The following LOXHD1 variants were observed in gnomAD, a reference collection of about 807,000 sequenced individuals.
The protein encoded by LOXHD1 is lipoxygenase homology PLAT domains 1.
LOXHD1 carries 205 observed loss-of-function variants against 248.2 expected under a neutral mutation model. The observed-to-expected ratio is 0.83, with a 90% CI of 0.74 to 0.93. The LOEUF (loss-of-function observed/expected upper bound fraction) is 0.93, where lower values mean the gene tolerates loss of function less well. Among genes scored for constraint, LOXHD1 ranks in the 40% least tolerant of loss-of-function variants. The probability of loss-of-function intolerance (pLI) is 0.00; values close to 1 mark genes in which losing one functional copy is unlikely to be tolerated. For missense variants in LOXHD1, 2,930 were observed against 2,971.6 expected (o/e 0.99, Z 0.33); for synonymous variants, 1,113 against 1,162.8 (o/e 0.96, Z 0.87).
At chr18:46,534,664 C>A (rs977579157) in intron 26 of LOXHD1, among the ~76,000 whole-genome samples, 1 of 152,222 alleles carries the variant, frequency 6.6e-6, no homozygotes, top group Non-Finnish European at 1.5e-5. Context: ...AGCCTTGACT[C>A]CAGAACTTGG....
In LOXHD1 at chr18:46,601,417, T is replaced by C. The variant is rs1273706618; in HGVS notation, c.934A>G (p.Thr312Ala). 1.3e-6 allele frequency: 2 copies of C among 1,551,590 alleles called. No individual in the cohort carries two copies. The highest frequency in any genetic ancestry group is 3.9e-5 in the Admixed American group (2 of 50,976). ...VFTGDVRGAG[T>A]KSKIYLVMYG... ...ATGACCAAGTAGATTTTGGATTTGG[T>C]ACCAGCCCCCCGGACATCCCCAGTG... is the stretch of plus-strand genomic sequence containing the variant. Residue 312 changes from threonine (T) to alanine (A), a missense_variant, in exon 8 of 41, where the codon ACC (threonine) becomes GCC (alanine). Physicochemically the swap from Thr to Ala is moderately conservative, Grantham distance 58. Transcript: ENST00000642948.
chr18:46,518,117 GC>G lies in LOXHD1; in HGVS notation c.5399+11del. ...GTGGGAGGGGTGAGGGGCAGGGGCCGCCTCCAGGTACCTGGCTTTCTTTTTG... is the reference window on the plus strand; with the variant it reads ...GTGGGAGGGGTGAGGGGCAGGGGCCGCTCCAGGTACCTGGCTTTCTTTTTG... On this transcript the variant is annotated intron_variant, in intron 34 of 40. Coordinates refer to ENST00000642948, the MANE Select transcript of LOXHD1 (RefSeq NM_001384474.1). The G allele has an allele frequency of 2.6e-6, 4 of 1,551,134 alleles. No homozygotes were observed. The highest frequency in any genetic ancestry group is 3.5e-6 in the Non-Finnish European group (4 of 1,146,926).
At chr18:46,609,656 C>T (rs1284775328) in intron 6 of LOXHD1, among the ~76,000 whole-genome samples, 3 of 152,222 alleles carry the variant, frequency 2.0e-5, no homozygotes, top group Non-Finnish European at 2.9e-5. Flanking sequence ...TCTAACGGAC[C>T]TCAGCCTGGT....
At chr18:46,634,682 C>T (rs1210342507) in intron 4 of LOXHD1, among the ~76,000 whole-genome samples, 1 of 152,134 alleles carries the variant, frequency 6.6e-6, no homozygotes, top group Non-Finnish European at 1.5e-5. Flanking sequence ...ATCCAAAACA[C>T]TTCTGGTCCC....
At chr18:46,638,626 T>G (rs1429342138) in intron 4 of LOXHD1, among the ~76,000 whole-genome samples, 1 of 152,026 alleles carries the variant, frequency 6.6e-6, no homozygotes, top group Non-Finnish European at 1.5e-5. Context: ...AGAGTGAAAC[T>G]CCATCTCAAA....
At chr18:46,545,665 T>C (rs1228665559) in intron 22 of LOXHD1, among the ~76,000 whole-genome samples, 11 of 132,970 alleles carry the variant, frequency 8.3e-5, no homozygotes, top group Non-Finnish European at 1.7e-4. Flanking sequence ...AGTCTCGCTC[T>C]GTCGCCCAGG....
intron 12 of LOXHD1, among the ~76,000 whole-genome samples, chr18:46,588,908 G>A (rs2038112282): frequency 6.6e-6 from 1 of 152,138 alleles, no homozygotes. Flanking sequence ...GTGTACCAAG[G>A]TCACAACAGT....
intron 29 of LOXHD1, among the ~76,000 whole-genome samples, chr18:46,527,025 T>C (rs188726010): frequency 2.6e-5 from 4 of 152,006 alleles, no homozygotes; most frequent in Admixed American, 2.6e-4. Flanking sequence ...AGCCAGAAGT[T>C]GGTCCAGCTC....
chr18:46,488,886 C>T, intron 38 of LOXHD1, 86 bp downstream of exon 38: 1 of 1,432,322 alleles, frequency 7.0e-7, no homozygotes, highest in East Asian at 2.5e-5. Context: ...TATCTGGCAC[C>T]TGACCCCCCT....
chr18:46,560,679 T>C, intron 18 of LOXHD1, 134 bp from the exon 19 acceptor site: 1 of 807,238 alleles, frequency 1.2e-6, no homozygotes, highest in Non-Finnish European at 1.9e-6. Context: ...GGGGCCTCTG[T>C]GCTCAGATCC....
At chr18:46,542,117 T>C (rs1301228500) in intron 24 of LOXHD1, among the ~76,000 whole-genome samples, 177 bp from the exon 25 acceptor site, 2 of 152,158 alleles carry the variant, frequency 1.3e-5, no homozygotes, top group African/African-American at 4.8e-5. Context: ...CACCCAGATG[T>C]TGAAGCTGGA....
chr18:46,655,687 C>T (rs2039171974), intron 1 of LOXHD1, among the ~76,000 whole-genome samples: 1 of 152,218 alleles, frequency 6.6e-6, no homozygotes. Context: ...GGGGCCACAG[C>T]CTTCCTGATC....
At chr18:46,644,636 T>G (rs572967871) in intron 2 of LOXHD1, among the ~76,000 whole-genome samples, 1 of 152,178 alleles carries the variant, frequency 6.6e-6, no homozygotes, top group South Asian at 2.1e-4. Context: ...GAGAATCACT[T>G]GAGCCCAGGA....
rs150092927 is a variant in LOXHD1, at chr18:46,499,507, T to A, written c.5878+6331A>T. 3.8e-4 allele frequency among the ~76,000 whole-genome samples: 58 copies of A among 152,292 alleles called. 1 individual carries two copies. In the East Asian group the frequency reaches 0.011, roughly 29 times the overall value. The stretch of plus-strand genomic sequence containing the variant: ...AAACCTTTTGAATGAAAATAGCTAA[T>A]CTTAGACCCTAGTTTCTGAAAACTT... On this transcript the variant is annotated intron_variant, in intron 37 of 40. Coordinates refer to ENST00000642948, the MANE Select transcript of LOXHD1 (RefSeq NM_001384474.1).
rs1450287779 is a variant in LOXHD1 at position 46,478,033 on chromosome 18, C to A, written c.6342-81G>T. 2.0e-6 allele frequency: 3 copies of A among 1,473,536 alleles called. No homozygotes were observed. In the East Asian group the frequency reaches 7.5e-5, roughly 37 times the overall value. 91.3% of individuals were successfully genotyped at this position (1,473,536 alleles called of 1,614,324 possible). A position where few individuals can be genotyped will look rare whatever the true frequency, so the allele number is the denominator to read the frequency against. Reference sequence around the variant, plus strand: ...CTGCTCCCTCCCCCAGATCCCCTTGCTCATCTATAAATGATCCCTTCCCAA... The same window carrying A: ...CTGCTCCCTCCCCCAGATCCCCTTGATCATCTATAAATGATCCCTTCCCAA... On this transcript the variant is annotated intron_variant, in intron 40 of 40. Transcript: ENST00000642948.
intron 4 of LOXHD1, among the ~76,000 whole-genome samples, chr18:46,629,792 TAAAAA>T (rs774591794): frequency 1.6e-5 from 2 of 126,738 alleles, no homozygotes; most frequent in Non-Finnish European, 3.3e-5. Context: ...CACTGGGCAT[TAAAAA>T]AAAAAAAAAA....
At chr18:46,555,105 A>G (rs531072504) in intron 21 of LOXHD1, 2 of 470,768 alleles carry the variant, frequency 4.2e-6, no homozygotes, top group Non-Finnish European at 8.8e-6. Flanking sequence ...ATGCCAAATC[A>G]GTGGCAGAGA....
downstream of LOXHD1, chr18:46,477,189 A>G (rs1354671500): frequency 2.8e-6 from 2 of 720,576 alleles, no homozygotes; most frequent in Admixed American, 2.0e-5. Flanking sequence ...TTTCTCATCC[A>G]CACTCTGCAG....
intron 1 of LOXHD1, among the ~76,000 whole-genome samples, chr18:46,651,796 G>A (rs1055499940): frequency 6.6e-6 from 1 of 151,980 alleles, no homozygotes; most frequent in Non-Finnish European, 1.5e-5. Context: ...CAATCAATAA[G>A]TAAAGGAGGG....
Sources: gnomAD v4.1 joint callset for allele counts (sites outside exome capture counted in the v4.1 genomes callset) on GRCh38, gnomAD v4.1.1 for gene constraint, MANE v1.5 for transcripts, NCBI Gene and HGNC (gene_info 2026-07-23, HGNC 2026-07-21) for gene names.